The following SNX30 variants were observed in gnomAD, a reference collection of about 807,000 sequenced individuals.
SNX30 encodes sorting nexin-30.
In SNX30, 24 loss-of-function variants were observed where a neutral mutation model predicts 46.4. That is an observed-to-expected ratio of 0.52 (90% CI 0.37 to 0.73). The LOEUF (loss-of-function observed/expected upper bound fraction) is 0.73. Among genes scored for constraint, SNX30 ranks in the 30% least tolerant of loss-of-function variants. The pLI is 0.00. For missense variants in SNX30, 533 were observed against 555.7 expected, an observed-to-expected ratio of 0.96 and a Z score of 0.41; for synonymous variants, 189 against 211.5, an observed-to-expected ratio of 0.89 and a Z score of 0.92.
rs1841406691 is a variant in SNX30, at chr9:112,869,162, A to G, written c.*319A>G. 3.4e-6 allele frequency: 1 copy of G among 298,106 alleles called. No homozygotes were observed. Among genetic ancestry groups the G allele is most frequent in the Non-Finnish European group, 6.5e-6 (1 of 153,466 alleles). The allele number at this position is 298,106 out of a possible 1,614,324, so 18.5% of individuals were successfully genotyped here. Reference sequence around the variant, plus strand: ...CCTGCAGCTGACGCTCTGACATTTCATGACAGTTTCCTCTTTAGGGACAGC... The same window carrying G: ...CCTGCAGCTGACGCTCTGACATTTCGTGACAGTTTCCTCTTTAGGGACAGC... On this transcript the variant is annotated 3_prime_UTR_variant, in exon 9 of 9. Transcript: ENST00000374232.
intron 3 of SNX30, among the ~76,000 whole-genome samples, chr9:112,830,056 A>G (rs745995107): frequency 1.3e-5 from 2 of 152,236 alleles, no homozygotes; most frequent in African/African-American, 2.4e-5. Flanking sequence ...TCAAACTACT[A>G]TGGAAACAGA....
At chr9:112,768,929 A>G (rs1839598796) in intron 1 of SNX30, among the ~76,000 whole-genome samples, 2 of 152,122 alleles carry the variant, frequency 1.3e-5, no homozygotes, top group South Asian at 2.1e-4. Context: ...TGCTGGGACT[A>G]CAGGCGTGAG....
At chr9:112,838,282 G>A (rs1026821188) in intron 5 of SNX30, among the ~76,000 whole-genome samples, 27 of 152,192 alleles carry the variant, frequency 1.8e-4, no homozygotes, top group Admixed American at 4.6e-4. Flanking sequence ...TTCCCATCAC[G>A]GGATGGAATG....
At chr9:112,818,449 C>T (rs62576412) in intron 3 of SNX30, among the ~76,000 whole-genome samples, 10,350 of 152,196 alleles carry the variant, frequency 0.068, 450 homozygotes, top group Non-Finnish European at 0.099. Context: ...AGGCTGGTCT[C>T]GAACTCCTGA....
At position 112,874,139 on chromosome 9, in the gene SNX30, T is replaced by A. The variant is rs1254140269; in HGVS notation, c.*5296T>A. The A allele has an allele frequency of 6.6e-6, 1 of 152,216 alleles. No individual in the cohort carries two copies. The highest frequency in any genetic ancestry group is 1.9e-4 in the East Asian group (1 of 5,202). The allele number at this position is 152,216 out of a possible 1,614,324, so 9.4% of individuals were successfully genotyped here. A position where few individuals can be genotyped will look rare whatever the true frequency, so the allele number is the denominator to read the frequency against. ...GGAAAATCACTTTTTTTCCTCCATGTGGAAATGAGGAGAGAGGAAAGTGGA... is the reference window on the plus strand; with the variant it reads ...GGAAAATCACTTTTTTTCCTCCATGAGGAAATGAGGAGAGAGGAAAGTGGA... On this transcript the variant is annotated 3_prime_UTR_variant, in exon 9 of 9. Coordinates refer to ENST00000374232, the MANE Select transcript of SNX30 (RefSeq NM_001012994.2).
chr9:112,843,952 T>C (rs1840899482), intron 6 of SNX30, among the ~76,000 whole-genome samples: 1 of 152,090 alleles, frequency 6.6e-6, no homozygotes. Context: ...AGAGAAGCCA[T>C]TTGGTTTTAT....
At chr9:112,866,120 T>C (rs1841338551) in intron 8 of SNX30, among the ~76,000 whole-genome samples, 1 of 152,186 alleles carries the variant, frequency 6.6e-6, no homozygotes, top group Non-Finnish European at 1.5e-5. Flanking sequence ...GCACTTGCTG[T>C]GTGCAAGGGG....
intron 2 of SNX30, among the ~76,000 whole-genome samples, chr9:112,816,995 G>C (rs1840406867): frequency 6.6e-6 from 1 of 152,112 alleles, no homozygotes; most frequent in South Asian, 2.1e-4. Flanking sequence ...AAAGGGATGA[G>C]ATTATTAATA....
rs139048064 is a variant in SNX30 at position 112,862,810 on chromosome 9, C to A, written c.1102-1437C>A. 4.8e-3 allele frequency among the ~76,000 whole-genome samples: 724 copies of A among 152,050 alleles called. 9 individuals carry two copies. Among genetic ancestry groups the A allele is most frequent in the African/African-American group, 0.017 (686 of 41,500 alleles). On this transcript the variant is annotated intron_variant, in intron 7 of 8. Transcript: ENST00000374232. ...ATTCCTGACCTCCAGTGATCTTCTGCCTTGGCCTCCCAAAGTGCTGGGAGG... is the reference window on the plus strand; with the variant it reads ...ATTCCTGACCTCCAGTGATCTTCTGACTTGGCCTCCCAAAGTGCTGGGAGG...
At chr9:112,809,022 AG>A (rs1253797028) in intron 2 of SNX30, among the ~76,000 whole-genome samples, 5 of 152,186 alleles carry the variant, frequency 3.3e-5, no homozygotes, top group African/African-American at 1.2e-4. Context: ...CTAGAACTTG[AG>A]TCCAGGTCTC....
At chr9:112,853,644 C>T (rs1486154543) in intron 7 of SNX30, among the ~76,000 whole-genome samples, 1 of 152,194 alleles carries the variant, frequency 6.6e-6, no homozygotes, top group Non-Finnish European at 1.5e-5. Context: ...CATGATTTGA[C>T]TTATATGTGG....
chr9:112,861,973 T>C (rs1407591361), intron 7 of SNX30, among the ~76,000 whole-genome samples: 1 of 152,230 alleles, frequency 6.6e-6, no homozygotes, highest in Non-Finnish European at 1.5e-5. Context: ...CATGTTCCTG[T>C]TTCTTCCCAA....
At position 112,844,302 on chromosome 9, in the gene SNX30, A is replaced by T. The variant is rs144377398; in HGVS notation, c.1014+5605A>T. ...GGGAGGAACAGGTGGAGCAGTTGGG[A>T]GTCCACTATTTTGGGCATGTGGAAT... is the stretch of plus-strand genomic sequence containing the variant. On this transcript the variant is annotated intron_variant, in intron 6 of 8. Coordinates refer to ENST00000374232, the MANE Select transcript of SNX30 (RefSeq NM_001012994.2). Among the ~76,000 whole-genome samples, 12 of 152,268 alleles carry T rather than the reference A, an allele frequency of 7.9e-5. No individual in the cohort carries two copies. In the East Asian group the frequency reaches 2.3e-3, roughly 29 times the overall value.
intron 1 of SNX30, among the ~76,000 whole-genome samples, chr9:112,778,805 C>A (rs1341457640): frequency 6.6e-6 from 1 of 151,546 alleles, no homozygotes; most frequent in Non-Finnish European, 1.5e-5. Context: ...TGGTTCAGTG[C>A]CAGAGGCAGG....
intron 6 of SNX30, among the ~76,000 whole-genome samples, chr9:112,850,600 T>A (rs1841007433): frequency 6.6e-6 from 1 of 152,262 alleles, no homozygotes; most frequent in Non-Finnish European, 1.5e-5. Flanking sequence ...TGCCTTTCCC[T>A]AGAATTTCTT....
intron 7 of SNX30, among the ~76,000 whole-genome samples, chr9:112,863,075 C>A (rs1025756242): frequency 6.6e-6 from 1 of 152,190 alleles, no homozygotes; most frequent in Non-Finnish European, 1.5e-5. Flanking sequence ...TGTTCTACAA[C>A]CATCTCCACG....
chr9:112,854,234 C>T (rs1304027666), intron 7 of SNX30, among the ~76,000 whole-genome samples: 2 of 152,228 alleles, frequency 1.3e-5, no homozygotes, highest in East Asian at 3.9e-4. Context: ...GGAGCAGTCT[C>T]GAGCAGAGGG....
At chr9:112,762,124 A>G (rs80095093) in intron 1 of SNX30, among the ~76,000 whole-genome samples, 5,467 of 152,288 alleles carry the variant, frequency 0.036, 140 homozygotes, top group Middle Eastern at 0.054. Context: ...TTTACTAGAC[A>G]TTAGAGGACT....
At chr9:112,880,748 C>T (rs1048121870) in intron 5 of SNX30, among the ~76,000 whole-genome samples, 1 of 152,118 alleles carries the variant, frequency 6.6e-6, no homozygotes, top group Non-Finnish European at 1.5e-5. Flanking sequence ...GTGCCTTTTC[C>T]TCTCCATCCA....
Sources: gnomAD v4.1 joint callset for allele counts (sites outside exome capture counted in the v4.1 genomes callset) on GRCh38, gnomAD v4.1.1 for gene constraint, MANE v1.5 for transcripts, NCBI Gene and HGNC (gene_info 2026-07-23, HGNC 2026-07-21) for gene names.